SYN3: variants seen among roughly 807,000 people sequenced by gnomAD.
SYN3 encodes synapsin III.
A neutral mutation model predicts 65.8 loss-of-function variants in SYN3; 35 were observed. The observed-to-expected ratio is 0.53, with a 90% CI of 0.41 to 0.70. The LOEUF (loss-of-function observed/expected upper bound fraction) is 0.70. Ranked by LOEUF, SYN3 falls within the 30% of genes least tolerant of loss-of-function variation. SYN3 has a pLI of 0.00. For missense variants in SYN3, 680 were observed against 749.0 expected, an observed-to-expected ratio of 0.91 and a Z score of 1.08; for synonymous variants, 270 against 292.9, an observed-to-expected ratio of 0.92 and a Z score of 0.80.
intron 7 of SYN3, among the ~76,000 whole-genome samples, chr22:32,582,904 C>A (rs1268764815): frequency 6.6e-6 from 1 of 152,194 alleles, no homozygotes; most frequent in South Asian, 2.1e-4. Context: ...CCTCCTCCAT[C>A]GACCTGCTGA....
intron 6 of SYN3, among the ~76,000 whole-genome samples, chr22:32,830,985 G>C (rs186627920): frequency 1.3e-5 from 2 of 152,188 alleles, no homozygotes; most frequent in Non-Finnish European, 2.9e-5. Flanking sequence ...GCACAGGGGT[G>C]GGGGAAGAGG....
At chr22:32,652,789 C>A (rs147246949) in intron 6 of SYN3, among the ~76,000 whole-genome samples, 18 of 152,264 alleles carry the variant, frequency 1.2e-4, no homozygotes, top group African/African-American at 1.9e-4. Flanking sequence ...TAGTTAGCGG[C>A]AGAGAGGAGA....
At chr22:32,739,021 A>G (rs1168031187) in intron 6 of SYN3, among the ~76,000 whole-genome samples, 1 of 152,028 alleles carries the variant, frequency 6.6e-6, no homozygotes, top group Non-Finnish European at 1.5e-5. Flanking sequence ...CTTATTTCTT[A>G]ATTGGTTTGA....
At chr22:32,673,031 A>T (rs1169080833) in intron 6 of SYN3, among the ~76,000 whole-genome samples, 2 of 152,220 alleles carry the variant, frequency 1.3e-5, no homozygotes, top group East Asian at 3.8e-4. Context: ...CAAGTGGGAA[A>T]AAATGGATCT....
At chr22:32,811,607 T>C (rs569853260) in intron 6 of SYN3, among the ~76,000 whole-genome samples, 5 of 152,328 alleles carry the variant, frequency 3.3e-5, no homozygotes, top group African/African-American at 1.2e-4. Context: ...TACTCTATTT[T>C]CACAACTCTT....
At chr22:32,591,439 A>T (rs2059126422) in intron 7 of SYN3, among the ~76,000 whole-genome samples, 3 of 152,224 alleles carry the variant, frequency 2.0e-5, no homozygotes, top group African/African-American at 7.2e-5. Flanking sequence ...ATTTCTACTT[A>T]CTTTTCCGTT....
chr22:32,915,932 G>A (rs971863199), intron 4 of SYN3, among the ~76,000 whole-genome samples: 6 of 152,142 alleles, frequency 3.9e-5, no homozygotes, highest in African/African-American at 1.4e-4. Flanking sequence ...GAGAGGTGGG[G>A]TGTCCTTAAA....
At chr22:32,538,833 C>A (rs1004308430) in intron 8 of SYN3, among the ~76,000 whole-genome samples, 1 of 152,162 alleles carries the variant, frequency 6.6e-6, no homozygotes, top group East Asian at 1.9e-4. Flanking sequence ...TGCTCATCTC[C>A]CTTCTGATGA....
chr22:32,900,240 C>A (rs1487580674), intron 4 of SYN3, among the ~76,000 whole-genome samples: 3 of 152,264 alleles, frequency 2.0e-5, no homozygotes, highest in Non-Finnish European at 4.4e-5. Context: ...CAAGAGAGAG[C>A]TGAAATGAAA....
chr22:32,763,269 C>A (rs1347400657), intron 6 of SYN3, among the ~76,000 whole-genome samples: 1 of 152,040 alleles, frequency 6.6e-6, no homozygotes, highest in Non-Finnish European at 1.5e-5. Context: ...GCCTCAGCTT[C>A]TCGAGTAGCT....
intron 7 of SYN3, among the ~76,000 whole-genome samples, chr22:32,589,171 G>C (rs978568987): frequency 6.6e-5 from 10 of 152,188 alleles, no homozygotes; most frequent in Non-Finnish European, 1.2e-4. Flanking sequence ...TCCTACCACT[G>C]GTTTGCTCTC....
At chr22:32,970,368 G>A (rs1037442709) in intron 3 of SYN3, among the ~76,000 whole-genome samples, 28 of 151,940 alleles carry the variant, frequency 1.8e-4, no homozygotes, top group African/African-American at 6.0e-4. Context: ...TTAGCTGGGC[G>A]TGTTGGCTCA....
At chr22:32,535,917 T>C (rs2058157744) in intron 9 of SYN3, among the ~76,000 whole-genome samples, 2 of 152,170 alleles carry the variant, frequency 1.3e-5, no homozygotes, top group Admixed American at 6.5e-5. Flanking sequence ...TGTGTATGAG[T>C]CCCTGTATGG....
chr22:32,949,092 T>C (rs28780765), intron 3 of SYN3, among the ~76,000 whole-genome samples: 7 of 152,120 alleles, frequency 4.6e-5, no homozygotes, highest in Non-Finnish European at 8.8e-5. Context: ...AGTGAGCATT[T>C]CCTTTGAGCA....
Position 32,942,844 on chromosome 22 carries a change from A to T in SYN3, c.370-11363T>A, listed in dbSNP as rs898597373. 1.3e-3 allele frequency among the ~76,000 whole-genome samples: 204 copies of T among 152,352 alleles called. 1 individual carries two copies. The highest frequency in any genetic ancestry group is 4.6e-3 in the African/African-American group (191 of 41,586). ...TTGATCAACTGGAAGAAAGGGTATC[A>T]TTGATTAAAGATCAAATGAATGAAA... On this transcript the variant is annotated intron_variant, in intron 3 of 13. Coordinates refer to ENST00000358763, the MANE Select transcript of SYN3 (RefSeq NM_003490.4).
chr22:32,781,207 G>T (rs558055848), intron 6 of SYN3, among the ~76,000 whole-genome samples: 2 of 151,992 alleles, frequency 1.3e-5, no homozygotes, highest in East Asian at 1.9e-4. Context: ...CTTGTCCAAG[G>T]TTCCACAGAC....
intron 4 of SYN3, among the ~76,000 whole-genome samples, chr22:32,913,528 TG>T (rs1356966301): frequency 1.3e-5 from 2 of 151,604 alleles, no homozygotes; most frequent in Admixed American, 6.6e-5. Flanking sequence ...GAGAAGAGAT[TG>T]GGGGCAGGCA....
chr22:32,640,969 C>T (rs2059888739), intron 6 of SYN3, among the ~76,000 whole-genome samples: 5 of 152,182 alleles, frequency 3.3e-5, no homozygotes, highest in Admixed American at 3.3e-4. Context: ...GGCTTCAAGT[C>T]AGAAGGCTCT....
intron 2 of SYN3, among the ~76,000 whole-genome samples, chr22:33,001,000 G>C (rs1171663562): frequency 1.3e-5 from 2 of 152,340 alleles, no homozygotes; most frequent in South Asian, 2.1e-4. Context: ...GCGATTCAGA[G>C]AGGTTAGGAA....
Sources: allele counts gnomAD v4.1 joint callset (sites outside exome capture counted in the v4.1 genomes callset), GRCh38; gene constraint gnomAD v4.1.1; transcripts MANE v1.5; gene names NCBI Gene and HGNC (gene_info 2026-07-23, HGNC 2026-07-21).